SH3BGRL2: variants seen among roughly 807,000 people sequenced by gnomAD.
The protein encoded by SH3BGRL2 is SH3 domain binding glutamate rich protein like 2.
Under a neutral mutation model 14.8 loss-of-function variants are expected in SH3BGRL2, and 21 were observed. That is an observed-to-expected ratio of 1.42 (90% CI 1.01 to 2.05). The LOEUF (loss-of-function observed/expected upper bound fraction) is 2.05, where lower values mean the gene tolerates loss of function less well. SH3BGRL2 is among the 30% of genes most tolerant of loss of function. The probability of loss-of-function intolerance (pLI) is 0.00; values close to 1 mark genes in which losing one functional copy is unlikely to be tolerated. For missense variants in SH3BGRL2, 147 were observed against 130.8 expected (o/e 1.12, Z -0.61); for synonymous variants, 50 against 47.8 (o/e 1.05, Z -0.19).
the SH3BGRL2 span, among the ~76,000 whole-genome samples, chr6:79,590,436 T>TG: frequency 3.7e-3 from 324 of 88,270 alleles, 3 homozygotes; most frequent in Middle Eastern, 0.016. Context: ...TATATATATA[T>TG]ATATATATAT....
At chr6:79,650,926 A>C (rs1031505050) in intron 1 of SH3BGRL2, among the ~76,000 whole-genome samples, 2 of 148,950 alleles carry the variant, frequency 1.3e-5, no homozygotes, top group African/African-American at 2.4e-5. Flanking sequence ...TAAATAATGT[A>C]TAAATATATA....
chr6:79,624,660 A>G, the SH3BGRL2 span, among the ~76,000 whole-genome samples: 1 of 152,062 alleles, frequency 6.6e-6, no homozygotes, highest in African/African-American at 2.4e-5. Context: ...TCCAGTGGTT[A>G]CCCTACCAGC....
At chr6:79,541,260 A>G in the SH3BGRL2 span, among the ~76,000 whole-genome samples, 1 of 152,174 alleles carries the variant, frequency 6.6e-6, no homozygotes, top group African/African-American at 2.4e-5. Context: ...CTCAAAAAAA[A>G]AGAAGTTTCC....
At chr6:79,673,548 T>A in intron 1 of SH3BGRL2, 66 bp from the exon 2 acceptor site, 1 of 1,487,658 alleles carries the variant, frequency 6.7e-7, no homozygotes, top group Middle Eastern at 1.8e-4. Flanking sequence ...TCTAGTTCAG[T>A]TTGGAAGTAT....
At chr6:79,651,753 T>C (rs531017686) in intron 1 of SH3BGRL2, among the ~76,000 whole-genome samples, 2 of 152,216 alleles carry the variant, frequency 1.3e-5, no homozygotes, top group Admixed American at 6.5e-5. Context: ...GCAACTGTTA[T>C]TAAACAGTGC....
At chr6:79,563,828 A>G in the SH3BGRL2 span, among the ~76,000 whole-genome samples, 2 of 152,216 alleles carry the variant, frequency 1.3e-5, no homozygotes, top group Non-Finnish European at 2.9e-5. Flanking sequence ...AAGGGACTAT[A>G]TATTGGAGTG....
the SH3BGRL2 span, among the ~76,000 whole-genome samples, chr6:79,578,977 A>G: frequency 0.1 from 15,240 of 152,270 alleles, 988 homozygotes; most frequent in Middle Eastern, 0.26. Context: ...GGAGCTGAAA[A>G]CCATGGTATG....
At chr6:79,665,063 C>T (rs1769629710) in intron 1 of SH3BGRL2, among the ~76,000 whole-genome samples, 1 of 151,974 alleles carries the variant, frequency 6.6e-6, no homozygotes, top group Non-Finnish European at 1.5e-5. Context: ...AGCAAGGCGT[C>T]GTGGCGGGCG....
the SH3BGRL2 span, among the ~76,000 whole-genome samples, chr6:79,608,171 G>A: frequency 6.6e-6 from 1 of 152,184 alleles, no homozygotes; most frequent in Non-Finnish European, 1.5e-5. Context: ...CAGCAAGGGG[G>A]TAGTCAGCCC....
intron 1 of SH3BGRL2, among the ~76,000 whole-genome samples, chr6:79,659,901 A>G (rs1769506521): frequency 7.7e-6 from 1 of 129,610 alleles, no homozygotes. Flanking sequence ...CTTTGTAGGA[A>G]TTGTAAATGG....
At chr6:79,625,029 C>T in the SH3BGRL2 span, among the ~76,000 whole-genome samples, 1 of 151,926 alleles carries the variant, frequency 6.6e-6, no homozygotes, top group Non-Finnish European at 1.5e-5. Flanking sequence ...ATAAATTAGC[C>T]AGGTGTGGTG....
intron 1 of SH3BGRL2, among the ~76,000 whole-genome samples, chr6:79,662,507 A>G (rs1218321494): frequency 6.6e-6 from 1 of 152,212 alleles, no homozygotes; most frequent in African/African-American, 2.4e-5. Context: ...GTTTCTGCTG[A>G]GAGATCCACT....
At chr6:79,543,054 A>G in the SH3BGRL2 span, among the ~76,000 whole-genome samples, 1 of 152,222 alleles carries the variant, frequency 6.6e-6, no homozygotes. Flanking sequence ...ACTCTGAGAA[A>G]TGGAATATAG....
At chr6:79,543,618 C>T in the SH3BGRL2 span, among the ~76,000 whole-genome samples, 1 of 152,294 alleles carries the variant, frequency 6.6e-6, no homozygotes, top group Middle Eastern at 3.4e-3. Flanking sequence ...CACCCACTTC[C>T]TGCAGCAGAA....
At chr6:79,539,832 A>G in the SH3BGRL2 span, among the ~76,000 whole-genome samples, 4 of 152,234 alleles carry the variant, frequency 2.6e-5, no homozygotes, top group Admixed American at 1.3e-4. Context: ...GACATACTAT[A>G]TATAGTATCT....
chr6:79,577,756 C>G, the SH3BGRL2 span, among the ~76,000 whole-genome samples: 1 of 152,218 alleles, frequency 6.6e-6, no homozygotes, highest in African/African-American at 2.4e-5. Flanking sequence ...CCTGGTTCAT[C>G]TCACTGGGAC....
the SH3BGRL2 span, among the ~76,000 whole-genome samples, chr6:79,565,820 C>A: frequency 6.6e-6 from 1 of 152,234 alleles, no homozygotes; most frequent in African/African-American, 2.4e-5. Context: ...CCTCTCTAAA[C>A]TTCCCCCAAC....
the SH3BGRL2 span, among the ~76,000 whole-genome samples, chr6:79,610,377 C>T: frequency 6.6e-6 from 1 of 152,180 alleles, no homozygotes; most frequent in Non-Finnish European, 1.5e-5. Flanking sequence ...TTCAGGACTT[C>T]ATGCTTTCGG....
chr6:79,620,080 A>G, the SH3BGRL2 span, among the ~76,000 whole-genome samples: 2 of 152,112 alleles, frequency 1.3e-5, no homozygotes, highest in Admixed American at 1.3e-4. Context: ...CATAGCACAC[A>G]TATTCTCCAG....
Sources: allele counts gnomAD v4.1 joint callset (sites outside exome capture counted in the v4.1 genomes callset), GRCh38; gene constraint gnomAD v4.1.1; transcripts MANE v1.5; gene names NCBI Gene and HGNC (gene_info 2026-07-23, HGNC 2026-07-21).